Variants in SLC25A51 observed in about 807,000 individuals in gnomAD.
SLC25A51 encodes the protein solute carrier family 25 member 51, also known as mitochondrial nicotinamide adenine dinucleotide transporter SLC25A51.
Under a neutral mutation model 19.1 loss-of-function variants are expected in SLC25A51, and 11 were observed. The ratio of observed to expected loss-of-function variants is 0.58; its 90% CI spans 0.36 to 0.96. The LOEUF (loss-of-function observed/expected upper bound fraction) is 0.96. Ranked by LOEUF, SLC25A51 falls within the 40% of genes least tolerant of loss-of-function variation. The pLI is 0.01. For missense variants in SLC25A51, 201 were observed against 365.4 expected, an observed-to-expected ratio of 0.55 and a Z score of 3.67; for synonymous variants, 105 against 133.6, an observed-to-expected ratio of 0.79 and a Z score of 1.47.
chr9:37,887,384 GT>G (rs1831483856), downstream of SLC25A51, among the ~76,000 whole-genome samples: 1 of 151,708 alleles, frequency 6.6e-6, no homozygotes. Context: ...TAACCACAAA[GT>G]TTTTATCATT....
downstream of SLC25A51, among the ~76,000 whole-genome samples, chr9:37,883,228 C>T (rs1305611659): frequency 6.6e-6 from 1 of 152,224 alleles, no homozygotes; most frequent in Non-Finnish European, 1.5e-5. Context: ...CACATTTTGA[C>T]TTCAAGTTCA....
chr9:37,884,814 A>G (rs1463502641), downstream of SLC25A51, among the ~76,000 whole-genome samples: 5 of 152,234 alleles, frequency 3.3e-5, no homozygotes, highest in Admixed American at 6.5e-5. Flanking sequence ...AAGTCCCTTC[A>G]TCTTTTGGCA....
chr9:37,892,655 C>T (rs12551827), intron 2 of SLC25A51, among the ~76,000 whole-genome samples: 22,036 of 151,882 alleles, frequency 0.15, 1,901 homozygotes, highest in East Asian at 0.33. Flanking sequence ...TCACCTGCAG[C>T]CTCAACCTCC....
intron 2 of SLC25A51, among the ~76,000 whole-genome samples, chr9:37,891,355 T>C (rs1406793646): frequency 1.3e-5 from 2 of 151,938 alleles, no homozygotes; most frequent in African/African-American, 2.4e-5. Flanking sequence ...GTCTGGGAGG[T>C]GTACCCAACA....
intron 2 of SLC25A51, among the ~76,000 whole-genome samples, chr9:37,892,569 A>ATATACAATACTACATTATATATATATT (rs1831617105): frequency 6.6e-6 from 1 of 151,310 alleles, no homozygotes; most frequent in East Asian, 1.9e-4. Context: ...ATATATATAT[A>ATATACAATACTACATTATATATATATT]TTTTTTTCTT....
downstream of SLC25A51, chr9:37,878,352 G>T: frequency 5.8e-6 from 1 of 172,806 alleles, no homozygotes; most frequent in South Asian, 1.6e-4. Context: ...AAAATGTGAG[G>T]AGACAGCTTT....
chr9:37,887,514 C>G (rs1831486885), downstream of SLC25A51: 4 of 968,990 alleles, frequency 4.1e-6, no homozygotes, highest in South Asian at 7.3e-5. Flanking sequence ...TTCACTAACC[C>G]TCTGACCTAC....
downstream of SLC25A51, among the ~76,000 whole-genome samples, chr9:37,887,239 C>A (rs1587157281): frequency 6.6e-6 from 1 of 151,942 alleles, no homozygotes; most frequent in Non-Finnish European, 1.5e-5. Context: ...ATTGCTTGAA[C>A]CCTGGAGGCG....
chr9:37,887,769 C>T lies in SLC25A51; in HGVS notation c.782G>A (p.Arg261Gln). ...PKVFQKIWLE[R>Q]DRKLINLFRG... ...GAAAAGATTTATCAGTTTTCTGTCCCGTTCCAGCCAGATTTTTTGGAAAAC... is the reference window on the plus strand; with the variant it reads ...GAAAAGATTTATCAGTTTTCTGTCCTGTTCCAGCCAGATTTTTTGGAAAAC... Residue 261 changes from arginine to glutamine, a missense_variant, in exon 3 of 3, where the codon CGG (arginine) becomes CAG (glutamine). Coordinates refer to ENST00000242275, the MANE Select transcript of SLC25A51 (RefSeq NM_033412.4). 3 of 1,613,816 alleles carry T rather than the reference C, an allele frequency of 1.9e-6. No individual in the cohort carries two copies. Among genetic ancestry groups the T allele is most frequent in the South Asian group, 2.2e-5 (2 of 91,066 alleles).
chr9:37,891,745 GA>G (rs1448429088), intron 2 of SLC25A51, among the ~76,000 whole-genome samples: 1 of 151,554 alleles, frequency 6.6e-6, no homozygotes, highest in Non-Finnish European at 1.5e-5. Flanking sequence ...CTCTGCCTAG[GA>G]AAACCAGAGA....
At chr9:37,896,357 T>C (rs1831714620) in intron 2 of SLC25A51, among the ~76,000 whole-genome samples, 1 of 152,074 alleles carries the variant, frequency 6.6e-6, no homozygotes. Context: ...CATCATCTAG[T>C]AGGGCTTCCC....
At chr9:37,884,782 T>C (rs1464826142), downstream of SLC25A51, among the ~76,000 whole-genome samples, 1 of 152,138 alleles carries the variant, frequency 6.6e-6, no homozygotes, top group Non-Finnish European at 1.5e-5. Flanking sequence ...GTTAACAGGA[T>C]GGAACAACTA....
intron 2 of SLC25A51, among the ~76,000 whole-genome samples, chr9:37,891,300 G>A (rs1831578472): frequency 6.6e-6 from 1 of 152,160 alleles, no homozygotes; most frequent in African/African-American, 2.4e-5. Flanking sequence ...CTGCCCGGCA[G>A]CCCCTTCTGG....
Position 37,882,193 on chromosome 9 carries a change from TGAGAA to T in SLC25A51, n.409-567_409-563del, listed in dbSNP as rs969274692. 5.4e-4 allele frequency among the ~76,000 whole-genome samples: 82 copies of T among 152,310 alleles called. 2 individuals are homozygous for T. Among genetic ancestry groups the T allele is most frequent in the Admixed American group, 2.8e-3 (43 of 15,292 alleles). On this transcript the variant is annotated intron_variant and non_coding_transcript_variant, in intron 2 of 3. Coordinates refer to the SLC25A51 transcript ENST00000496760. ...CAAGTCTTTGATATACATTTGCACA[TGAGAA>T]AAGAAATATTTTAATTTAAAAGAGA...
intron 2 of SLC25A51, among the ~76,000 whole-genome samples, chr9:37,889,912 G>A (rs546827814): frequency 6.6e-6 from 1 of 151,770 alleles, no homozygotes; most frequent in East Asian, 1.9e-4. Context: ...TCCAGTTCTG[G>A]TCTTGGAAAT....
downstream of SLC25A51, among the ~76,000 whole-genome samples, chr9:37,884,876 ACAGT>A (rs1392312668): frequency 1.3e-5 from 2 of 152,262 alleles, no homozygotes; most frequent in African/African-American, 2.4e-5. Flanking sequence ...GTTGAAGATC[ACAGT>A]CAGAATCAAA....
chr9:37,900,050 G>A (rs1358819596), intron 1 of SLC25A51, 100 bp from the exon 2 acceptor site: 1 of 117,150 alleles, frequency 8.5e-6, no homozygotes, highest in Non-Finnish European at 1.6e-5. Flanking sequence ...GTTGTCAACG[G>A]TGGTCTCAAA....
rs532177372 is a variant in SLC25A51 at position 37,904,080 on chromosome 9, G to C, written c.-177C>G. 1 of 152,346 alleles carries C rather than the reference G, an allele frequency of 6.6e-6. No homozygotes were observed. The highest frequency in any genetic ancestry group is 1.9e-4 in the East Asian group (1 of 5,184). The allele number at this position is 152,346 out of a possible 1,614,324, so 9.4% of individuals were successfully genotyped here. A position where few individuals can be genotyped will look rare whatever the true frequency, so the allele number is the denominator to read the frequency against. ...GTCCCACACTCACCCATCAGCGCCG[G>C]CGTCCCGCAGGACGGCTAGCGAGCC... On this transcript the variant is annotated 5_prime_UTR_variant, in exon 1 of 3. Transcript: ENST00000242275.
At chr9:37,901,573 T>C (rs1225533644) in intron 1 of SLC25A51, among the ~76,000 whole-genome samples, 1 of 152,234 alleles carries the variant, frequency 6.6e-6, no homozygotes, top group Non-Finnish European at 1.5e-5. Flanking sequence ...CTTATTACTA[T>C]TTAAGAGAGT....
Sources: allele counts gnomAD v4.1 joint callset (sites outside exome capture counted in the v4.1 genomes callset), GRCh38; gene constraint gnomAD v4.1.1; transcripts MANE v1.5; gene names NCBI Gene and HGNC (gene_info 2026-07-23, HGNC 2026-07-21).